Variants in RAB15 observed in about 807,000 individuals in gnomAD.
RAB15 encodes the protein ras-related protein Rab-15.
A neutral mutation model predicts 31.8 loss-of-function variants in RAB15; 13 were observed. The ratio of observed to expected loss-of-function variants is 0.41; its 90% confidence interval spans 0.27 to 0.65. RAB15 has a LOEUF of 0.65. RAB15 is among the 30% of genes least tolerant of loss of function. The pLI is 0.32. For synonymous variants in RAB15, 100 were observed against 105.6 expected, an observed-to-expected ratio of 0.95 and a Z score of 0.33; for missense variants, 220 against 277.3, an observed-to-expected ratio of 0.79 and a Z score of 1.47.
Position 64,950,525 on chromosome 14 carries a change from C to T in RAB15, c.325-111G>A. The T allele has an allele frequency of 1.1e-6, 1 of 914,814 alleles. No homozygotes were observed. The highest frequency in any genetic ancestry group is 2.4e-5 in the East Asian group (1 of 41,628). The allele number at this position is 914,814 out of a possible 1,614,324, so 56.7% of individuals were successfully genotyped here. Reference sequence around the variant, plus strand: ...ACCACCAATTCCAGAGCCCTAGGGACAGGGTGGGCCGACTGGATGCAGGTG... The same window carrying T: ...ACCACCAATTCCAGAGCCCTAGGGATAGGGTGGGCCGACTGGATGCAGGTG... On this transcript the variant is annotated intron_variant, in intron 4 of 6. Transcript: ENST00000533601. This position sits in a 1 kb window ranked among gnomAD's most constrained non-coding sequence, Gnocchi z 5.6.
In RAB15 at chr14:64,971,499, C is replaced by G. The variant is rs1010762572; in HGVS notation, c.124+454G>C. On this transcript the variant is annotated intron_variant, in intron 1 of 6. Coordinates refer to ENST00000533601, the MANE Select transcript of RAB15 (RefSeq NM_001308154.2). This position sits in a 1 kb window ranked among gnomAD's most constrained non-coding sequence, Gnocchi z 4.1. ...CGTACGTCCTCTCTTCCCCCCCTCG[C>G]CCCCCGCCGGCTCCACCTTGGGTCA... 1.3e-5 allele frequency among the ~76,000 whole-genome samples: 2 copies of G among 151,994 alleles called. No individual in the cohort carries two copies. Among genetic ancestry groups the G allele is most frequent in the East Asian group, 3.9e-4 (2 of 5,172 alleles).
chr14:64,963,309 G>A (rs376798511), intron 1 of RAB15, among the ~76,000 whole-genome samples: 10 of 151,782 alleles, frequency 6.6e-5, no homozygotes, highest in East Asian at 1.9e-4. Context: ...TAGTAGAGAC[G>A]GGGTTTCACC....
In RAB15 at chr14:64,954,163, A is replaced by T. The variant is rs1886414997; in HGVS notation, c.125-1592T>A. 1 of 985,336 alleles carries T rather than the reference A, an allele frequency of 1.0e-6. No individual in the cohort carries two copies. 61.0% of individuals were successfully genotyped at this position (985,336 alleles called of 1,614,324 possible). ...ATTTCTCGCCTGCCCAAGCTGATTC[A>T]TATCCATTGAGCTGTACTTTTCCAA... On this transcript the variant is annotated intron_variant, in intron 1 of 6. Coordinates refer to ENST00000533601, the MANE Select transcript of RAB15 (RefSeq NM_001308154.2). This position sits in a 1 kb window ranked among gnomAD's most constrained non-coding sequence, Gnocchi z 4.3.
At chr14:64,957,225 C>T (rs1488735237) in intron 1 of RAB15, among the ~76,000 whole-genome samples, 1 of 152,178 alleles carries the variant, frequency 6.6e-6, no homozygotes, top group Non-Finnish European at 1.5e-5. Flanking sequence ...GCATGAGCCT[C>T]CGCACCAGGC....
rs578205952 is a variant in RAB15, at chr14:64,958,333, G to A, written c.125-5762C>T. Among the ~76,000 whole-genome samples the A allele has an allele frequency of 4.6e-5, 7 of 152,226 alleles. No homozygotes were observed. In the South Asian group the frequency reaches 6.2e-4, roughly 14 times the overall value. On this transcript the variant is annotated intron_variant, in intron 1 of 6. Transcript: ENST00000533601. This position sits in a 1 kb window ranked among gnomAD's most constrained non-coding sequence, Gnocchi z 4.4. ...TAGAGCCCTCATGCATGGGACTAAC[G>A]CCCTTAGAAAAGAGGTCTGAGGGAG...
At position 64,971,060 on chromosome 14, in the gene RAB15, C is replaced by T. The variant is rs1243407564; in HGVS notation, c.124+893G>A. On this transcript the variant is annotated intron_variant, in intron 1 of 6. Coordinates refer to ENST00000533601, the MANE Select transcript of RAB15 (RefSeq NM_001308154.2). The surrounding 1 kb of genome is among the most constrained non-coding windows in gnomAD (Gnocchi z 4.1). ...TGCAGAGGCTACTCCAGGGCTGACC[C>T]GGGTAGCAGCTGAGGATGAAATTCC... 6.6e-6 allele frequency among the ~76,000 whole-genome samples: 1 copy of T among 152,148 alleles called. No individual in the cohort carries two copies. The highest frequency in any genetic ancestry group is 1.5e-5 in the Non-Finnish European group (1 of 68,016).
intron 1 of RAB15, among the ~76,000 whole-genome samples, chr14:64,964,817 T>C (rs1594951753): frequency 3.3e-5 from 5 of 152,122 alleles, no homozygotes; most frequent in Admixed American, 2.0e-4. Context: ...CCTTGTGATC[T>C]GCCCACCTTG....
chr14:64,960,781 G>A (rs1415320314), intron 1 of RAB15, among the ~76,000 whole-genome samples: 4 of 152,140 alleles, frequency 2.6e-5, no homozygotes, highest in Non-Finnish European at 5.9e-5. Context: ...GGCTTATGTT[G>A]GGGAGAGGAA....
At chr14:64,963,053 T>C (rs1415456166) in intron 1 of RAB15, among the ~76,000 whole-genome samples, 2 of 151,158 alleles carry the variant, frequency 1.3e-5, no homozygotes, top group Admixed American at 1.3e-4. Context: ...GTGTAGGTAG[T>C]AGGTACATAG....
intron 1 of RAB15, among the ~76,000 whole-genome samples, chr14:64,964,854 C>T (rs1218962444): frequency 2.0e-5 from 3 of 152,088 alleles, no homozygotes; most frequent in Admixed American, 6.5e-5. Flanking sequence ...GGATTACAGG[C>T]GTGAGCCACC....
chr14:64,960,548 C>T (rs1886801721), intron 1 of RAB15, among the ~76,000 whole-genome samples: 1 of 152,160 alleles, frequency 6.6e-6, no homozygotes, highest in Non-Finnish European at 1.5e-5. Context: ...CCTATCTTTG[C>T]CTCAGTTTCC....
chr14:64,960,746 G>T (rs984358849), intron 1 of RAB15, among the ~76,000 whole-genome samples: 1 of 152,196 alleles, frequency 6.6e-6, no homozygotes, highest in Non-Finnish European at 1.5e-5. Flanking sequence ...AGGGGGAATG[G>T]AAAGAGCTCT....
Position 64,952,568 on chromosome 14 carries a change from A to G in RAB15, c.128T>C (p.Val43Ala). Residue 43 changes from valine to alanine, a missense_variant, in exon 2 of 7, where the codon GTT (valine) becomes GCT (alanine). Physicochemically the swap from Val to Ala is moderately conservative, Grantham distance 64. Transcript: ENST00000533601. This position sits in a 1 kb window ranked among gnomAD's most constrained non-coding sequence, Gnocchi z 4.2. ...FHSSHISTIG[V>A]DFKMKTIEVD... ...CTCTATGGTCTTCATCTTAAAGTCAACACCTGAAGAAAGGAAGAAAGAAAG... is the reference window on the plus strand; with the variant it reads ...CTCTATGGTCTTCATCTTAAAGTCAGCACCTGAAGAAAGGAAGAAAGAAAG... 6.2e-7 allele frequency: 1 copy of G among 1,609,934 alleles called. No individual in the cohort carries two copies. Among genetic ancestry groups the G allele is most frequent in the Non-Finnish European group, 8.5e-7 (1 of 1,176,456 alleles).
intron 1 of RAB15, among the ~76,000 whole-genome samples, chr14:64,957,365 G>T (rs937375908): frequency 2.6e-5 from 4 of 152,228 alleles, no homozygotes; most frequent in Non-Finnish European, 4.4e-5. Flanking sequence ...CTGAATAAAG[G>T]CTTCCTGGGG....
chr14:64,972,121 C>G lies in RAB15; in HGVS notation c.-45G>C, dbSNP rs1212501158. On this transcript the variant is annotated 5_prime_UTR_variant, in exon 1 of 7. It removes the in-frame stop codon of an upstream open reading frame in the 5' UTR. Transcript: ENST00000533601. The surrounding 1 kb of genome is among the most constrained non-coding windows in gnomAD (Gnocchi z 6.3). ...GGGAACTGCGGGCGGGCAGCGGGCT[C>G]AGCCCTGCTCCGCCGCTGCCATCGC... 8 of 1,349,748 alleles carry G rather than the reference C, an allele frequency of 5.9e-6. No individual in the cohort carries two copies. The highest frequency in any genetic ancestry group is 7.7e-6 in the Non-Finnish European group (8 of 1,044,996). 83.6% of individuals were successfully genotyped at this position (1,349,748 alleles called of 1,614,324 possible).
At position 64,948,210 on chromosome 14, in the gene RAB15, G is replaced by A. The variant is rs1156978781; in HGVS notation, c.*144C>T. On this transcript the variant is annotated 3_prime_UTR_variant, in exon 7 of 7. Transcript: ENST00000533601. This position sits in a 1 kb window ranked among gnomAD's most constrained non-coding sequence, Gnocchi z 7.0. ...AGATGACAGCAGAGCCGCTCTCAGG[G>A]CCAGGCAGGGGGAGTAGTGGCTACT... 4 of 863,498 alleles carry A rather than the reference G, an allele frequency of 4.6e-6. No homozygotes were observed. The African/African-American group carries it at 6.9e-5, about 15-fold the overall frequency. The allele number at this position is 863,498 out of a possible 1,614,324, so 53.5% of individuals were successfully genotyped here.
In RAB15 at chr14:64,953,664, C is replaced by T. The variant is rs1886389200; in HGVS notation, c.125-1093G>A. ...ACCACCAGCAGCAGCCAGCTTGACT[C>T]TGAGTGACAACAGAGAGATGAGGGA... On this transcript the variant is annotated intron_variant, in intron 1 of 6. Transcript: ENST00000533601. The surrounding 1 kb of genome is among the most constrained non-coding windows in gnomAD (Gnocchi z 4.6). 1 of 373,580 alleles carries T rather than the reference C, an allele frequency of 2.7e-6. No individual in the cohort carries two copies. Among genetic ancestry groups the T allele is most frequent in the Non-Finnish European group, 3.7e-6 (1 of 270,816 alleles). The allele number at this position is 373,580 out of a possible 1,614,324, so 23.1% of individuals were successfully genotyped here.
rs1886072755 is a variant in RAB15, at chr14:64,948,853, G to A, written c.415-120C>T. 3.5e-6 allele frequency: 3 copies of A among 860,312 alleles called. No homozygotes were observed. The highest frequency in any genetic ancestry group is 2.2e-5 in the Admixed American group (1 of 44,704). 53.3% of individuals were successfully genotyped at this position (860,312 alleles called of 1,614,324 possible). A position where few individuals can be genotyped will look rare whatever the true frequency, so the allele number is the denominator to read the frequency against. ...TGCTGTGTTGTGACGATTTCTCAGA[G>A]TAGATAATTTCTCAGATGGGACTGG... On this transcript the variant is annotated intron_variant, in intron 5 of 6. Transcript: ENST00000533601. The surrounding 1 kb of genome is among the most constrained non-coding windows in gnomAD (Gnocchi z 7.0).
intron 1 of RAB15, among the ~76,000 whole-genome samples, chr14:64,965,985 G>C (rs1324195675): frequency 6.6e-6 from 1 of 152,174 alleles, no homozygotes; most frequent in African/African-American, 2.4e-5. Flanking sequence ...GCCTGAGGCA[G>C]AGCGACACCT....
Sources: gnomAD v4.1 joint callset for allele counts (sites outside exome capture counted in the v4.1 genomes callset) on GRCh38, gnomAD v4.1.1 for gene constraint, Gnocchi (gnomAD v3.1) non-coding constraint, MANE v1.5 for transcripts, NCBI Gene and HGNC (gene_info 2026-07-23, HGNC 2026-07-21) for gene names.